MED12L: variants seen among roughly 807,000 people sequenced by gnomAD.
MED12L encodes mediator complex subunit 12L.
MED12L carries 60 observed loss-of-function variants against 281.3 expected under a neutral mutation model. The ratio of observed to expected loss-of-function variants is 0.21; its 90% CI spans 0.17 to 0.26. The LOEUF (loss-of-function observed/expected upper bound fraction) is 0.26, where lower values mean the gene tolerates loss of function less well. Ranked by LOEUF, MED12L falls within the 10% of genes least tolerant of loss-of-function variation. MED12L has a pLI of 1.00. For missense variants in MED12L, 2,146 were observed against 2,680.9 expected, an observed-to-expected ratio of 0.80 and a Z score of 4.41; for synonymous variants, 974 against 987.2, an observed-to-expected ratio of 0.99 and a Z score of 0.25.
chr3:151,299,303 C>T (rs1397843894), intron 16 of MED12L, among the ~76,000 whole-genome samples: 3 of 152,016 alleles, frequency 2.0e-5, no homozygotes, highest in African/African-American at 7.2e-5. Flanking sequence ...TACCAGGGCA[C>T]AGCTGCCTAG....
chr3:151,165,579 G>T (rs1479634555), intron 10 of MED12L, 60 bp downstream of exon 10: 17 of 1,433,430 alleles, frequency 1.2e-5, no homozygotes. Context: ...CTGTGTTTTT[G>T]CTTCTTATAA....
intron 2 of MED12L, among the ~76,000 whole-genome samples, chr3:151,096,513 T>C (rs1017920513): frequency 2.0e-5 from 3 of 152,170 alleles, no homozygotes; most frequent in African/African-American, 7.2e-5. Flanking sequence ...CATTCTGACT[T>C]GGTCCTATCA....
At chr3:151,288,606 A>C (rs897646820) in intron 16 of MED12L, among the ~76,000 whole-genome samples, 62 of 152,352 alleles carry the variant, frequency 4.1e-4, no homozygotes, top group Admixed American at 1.0e-3. Flanking sequence ...AGTTCTGCCT[A>C]AGCATTTACA....
At chr3:151,242,987 C>G (rs1399510012) in intron 16 of MED12L, among the ~76,000 whole-genome samples, 13 of 151,702 alleles carry the variant, frequency 8.6e-5, no homozygotes, top group South Asian at 2.1e-4. Flanking sequence ...CTCAGGAGCC[C>G]ATGCGATCAA....
chr3:151,155,561 T>C (rs957440208), intron 5 of MED12L, among the ~76,000 whole-genome samples: 17 of 152,192 alleles, frequency 1.1e-4, no homozygotes, highest in African/African-American at 3.9e-4. Flanking sequence ...CGGGTGTCCC[T>C]GACACATCCT....
chr3:151,098,651 G>A (rs1453948181), intron 2 of MED12L, among the ~76,000 whole-genome samples: 3 of 152,108 alleles, frequency 2.0e-5, no homozygotes, highest in Non-Finnish European at 4.4e-5. Flanking sequence ...TGGATTTAGG[G>A]CCCACCCAGA....
rs1423840136 is a variant in MED12L, at chr3:151,357,356, G to A, written c.2805G>A (p.Gln935=). 4 of 1,611,518 alleles carry A rather than the reference G, an allele frequency of 2.5e-6. No homozygotes were observed. The highest frequency in any genetic ancestry group is 1.1e-5 in the South Asian group (1 of 90,692). The change falls in exon 20 of 45, where the codon CAG becomes CAA. Residue 935 remains glutamine, a synonymous_variant. Transcript: ENST00000687756. ...YHSCLILNPD[Q]TAQVFEGLCG... is the part of the protein sequence containing the mutation. ...GTTGTCTAATCTTGAATCCTGATCA[G>A]ACAGCCCAGGTGTTTGAAGGGTTGG...
At chr3:151,166,229 C>G (rs920622908) in intron 11 of MED12L, among the ~76,000 whole-genome samples, 3 of 152,184 alleles carry the variant, frequency 2.0e-5, no homozygotes, top group Admixed American at 2.0e-4. Context: ...GCCCTTTTAC[C>G]ATCACTTTCC....
intron 43 of MED12L, 103 bp from the exon 44 acceptor site, chr3:151,430,196 G>GTTTTTTT: frequency 6.5e-7 from 1 of 1,534,500 alleles, no homozygotes; most frequent in Admixed American, 1.9e-5. Context: ...TTCGTGAAGT[G>GTTTTTTT]TTGAGAAGTA....
intron 2 of MED12L, among the ~76,000 whole-genome samples, chr3:151,102,487 A>AG (rs1721507451): frequency 6.6e-6 from 1 of 152,208 alleles, no homozygotes; most frequent in African/African-American, 2.4e-5. Context: ...ACAGCAAAAA[A>AG]GAGACATTTC....
At chr3:151,360,717 A>G (rs1754502764) in intron 21 of MED12L, 112 bp downstream of exon 21, 10 of 981,652 alleles carry the variant, frequency 1.0e-5, no homozygotes, top group East Asian at 2.5e-5. Context: ...AATTGTATCT[A>G]TTAGGCAGTA....
intron 16 of MED12L, among the ~76,000 whole-genome samples, chr3:151,253,160 AG>A (rs1369016468): frequency 1.3e-5 from 2 of 152,310 alleles, no homozygotes; most frequent in East Asian, 3.9e-4. Flanking sequence ...GGGTCATGAC[AG>A]GCACCCTGTA....
At chr3:151,356,522 CATTTT>C (rs1228312451) in intron 19 of MED12L, among the ~76,000 whole-genome samples, 18 of 152,272 alleles carry the variant, frequency 1.2e-4, no homozygotes, top group East Asian at 3.9e-4. Context: ...CTTAAACTAA[CATTTT>C]ATTTAAAGTT....
rs751974226 is a variant in MED12L at position 151,165,372 on chromosome 3, C to T, written c.1258-48C>T. 43 of 1,450,118 alleles carry T rather than the reference C, an allele frequency of 3.0e-5. No homozygotes were observed. The East Asian group carries it at 3.9e-4, about 13-fold the overall frequency. 89.8% of individuals were successfully genotyped at this position (1,450,118 alleles called of 1,614,324 possible). On this transcript the variant is annotated intron_variant, in intron 9 of 44. Transcript: ENST00000687756. ...AAAAACCTGACATGATTTAGACATGCGCTGTGGCATTCCAAGCACAAGTTA... is the reference window on the plus strand; with the variant it reads ...AAAAACCTGACATGATTTAGACATGTGCTGTGGCATTCCAAGCACAAGTTA...
intron 17 of MED12L, among the ~76,000 whole-genome samples, chr3:151,353,208 G>T (rs920891379): frequency 6.6e-6 from 1 of 152,138 alleles, no homozygotes; most frequent in African/African-American, 2.4e-5. Flanking sequence ...GTCCCAGGAA[G>T]AACTGAATCA....
At chr3:151,291,346 T>C (rs1744240756) in intron 16 of MED12L, among the ~76,000 whole-genome samples, 1 of 152,148 alleles carries the variant, frequency 6.6e-6, no homozygotes, top group Admixed American at 6.5e-5. Context: ...AGAAACAAAA[T>C]ACTATTATAC....
At chr3:151,319,718 A>G (rs968698157) in intron 16 of MED12L, among the ~76,000 whole-genome samples, 4 of 152,152 alleles carry the variant, frequency 2.6e-5, no homozygotes, top group African/African-American at 9.7e-5. Flanking sequence ...ATGTCAGATT[A>G]TGAGCAGTAC....
At chr3:151,162,403 A>AT (rs1044688506) in intron 8 of MED12L, among the ~76,000 whole-genome samples, 5 of 151,592 alleles carry the variant, frequency 3.3e-5, no homozygotes, top group Admixed American at 6.6e-5. Context: ...TTTTATTTTT[A>AT]TTTTTTTTAA....
intron 16 of MED12L, among the ~76,000 whole-genome samples, chr3:151,204,341 GA>G (rs1281923822): frequency 6.6e-6 from 1 of 152,060 alleles, no homozygotes; most frequent in Non-Finnish European, 1.5e-5. Flanking sequence ...TAGCTAGGGA[GA>G]ATTTAGGGAA....
Sources: gnomAD v4.1 joint callset for allele counts (sites outside exome capture counted in the v4.1 genomes callset) on GRCh38, gnomAD v4.1.1 for gene constraint, MANE v1.5 for transcripts, NCBI Gene and HGNC (gene_info 2026-07-23, HGNC 2026-07-21) for gene names.